RSPRY1: variants seen among roughly 807,000 people sequenced by gnomAD.
RSPRY1 encodes the protein RING finger and SPRY domain-containing protein 1.
Under a neutral mutation model 73.1 loss-of-function variants are expected in RSPRY1, and 23 were observed. That is an observed-to-expected ratio of 0.31 (90% confidence interval 0.23 to 0.45). RSPRY1 has a LOEUF of 0.45. RSPRY1 is among the 20% of genes least tolerant of loss of function. The pLI is 1.00. For synonymous variants in RSPRY1, 226 were observed against 251.4 expected, an observed-to-expected ratio of 0.90 and a Z score of 0.95; for missense variants, 448 against 698.7, an observed-to-expected ratio of 0.64 and a Z score of 4.05.
At chr16:57,232,102 T>C (rs1597929874) in intron 13 of RSPRY1, among the ~76,000 whole-genome samples, 1 of 152,164 alleles carries the variant, frequency 6.6e-6, no homozygotes, top group East Asian at 1.9e-4. Flanking sequence ...ATACCACATA[T>C]CTTATATCAG....
At chr16:57,227,529 G>C in intron 11 of RSPRY1, 76 bp downstream of exon 11, 1 of 998,766 alleles carries the variant, frequency 1.0e-6, no homozygotes, top group Admixed American at 1.9e-5. Flanking sequence ...ATTACATTAA[G>C]CCTTAAAATG....
intron 14 of RSPRY1, 51 bp downstream of exon 14, chr16:57,235,279 T>G (rs2075284147): frequency 7.7e-7 from 1 of 1,295,320 alleles, no homozygotes; most frequent in Non-Finnish European, 1.1e-6. Context: ...AAATTGCTAG[T>G]TCCATGGCTG....
intron 10 of RSPRY1, among the ~76,000 whole-genome samples, chr16:57,225,031 G>A (rs1056713596): frequency 1.4e-4 from 21 of 152,334 alleles, no homozygotes; most frequent in African/African-American, 4.6e-4. Flanking sequence ...GGTGTGGCAA[G>A]GCATTCTTTC....
intron 3 of RSPRY1, among the ~76,000 whole-genome samples, 177 bp from the exon 4 acceptor site, chr16:57,208,898 G>C (rs764548990): frequency 3.9e-5 from 6 of 152,090 alleles, no homozygotes; most frequent in Non-Finnish European, 8.8e-5. Flanking sequence ...TGTAACTTAA[G>C]ATGTTTTTAC....
At chr16:57,214,246 A>G (rs2074898266) in intron 6 of RSPRY1, among the ~76,000 whole-genome samples, 2 of 152,180 alleles carry the variant, frequency 1.3e-5, no homozygotes, top group African/African-American at 4.8e-5. Context: ...CCAAATGGTA[A>G]TAGGGACCTC....
intron 1 of RSPRY1, among the ~76,000 whole-genome samples, chr16:57,201,169 C>A (rs1269663923): frequency 6.6e-6 from 1 of 151,274 alleles, no homozygotes; most frequent in African/African-American, 2.4e-5. Context: ...GACGGTGTGG[C>A]TGCCAGGTGG....
chr16:57,222,574 C>T (rs1211435283), intron 10 of RSPRY1, among the ~76,000 whole-genome samples: 5 of 152,220 alleles, frequency 3.3e-5, no homozygotes, highest in African/African-American at 4.8e-5. Context: ...TGCCAATCAT[C>T]TGATTCCCAC....
rs567296359 is a variant in RSPRY1, at chr16:57,222,023, A to T, written c.1161+608A>T. 1.5e-4 allele frequency among the ~76,000 whole-genome samples: 23 copies of T among 152,292 alleles called. No individual in the cohort carries two copies. The South Asian group carries it at 4.8e-3, about 32-fold the overall frequency. ...TTATACCCTTCTAACACCCAGGCCAATTGGCTTTCTTCTGATGATCAAATT... is the reference window on the plus strand; with the variant it reads ...TTATACCCTTCTAACACCCAGGCCATTTGGCTTTCTTCTGATGATCAAATT... On this transcript the variant is annotated intron_variant, in intron 10 of 14. Transcript: ENST00000394420.
intron 4 of RSPRY1, among the ~76,000 whole-genome samples, chr16:57,211,286 A>C (rs2074839547): frequency 6.9e-6 from 1 of 145,940 alleles, no homozygotes; most frequent in African/African-American, 2.5e-5. Flanking sequence ...AAAAAAAAAG[A>C]AAGCCAGGCA....
chr16:57,236,968 C>A (rs2075308937), intron 14 of RSPRY1, among the ~76,000 whole-genome samples: 1 of 151,948 alleles, frequency 6.6e-6, no homozygotes, highest in South Asian at 2.1e-4. Context: ...AGTTTGAGAC[C>A]AGCCTGGCCA....
chr16:57,201,031 C>T (rs1469452582), intron 1 of RSPRY1, among the ~76,000 whole-genome samples: 1 of 148,498 alleles, frequency 6.7e-6, no homozygotes, highest in African/African-American at 2.5e-5. Flanking sequence ...ACCTCCCTCC[C>T]GGATGGGCGG....
intron 1 of RSPRY1, among the ~76,000 whole-genome samples, chr16:57,200,862 G>A (rs1327514519): frequency 8.3e-5 from 12 of 143,834 alleles, no homozygotes; most frequent in African/African-American, 1.6e-4. Context: ...CGGACGGGGC[G>A]GCTGGCCGGG....
intron 2 of RSPRY1, among the ~76,000 whole-genome samples, chr16:57,207,215 T>C (rs2074742732): frequency 6.6e-6 from 1 of 152,242 alleles, no homozygotes; most frequent in Non-Finnish European, 1.5e-5. Flanking sequence ...CAGTCAATTA[T>C]ATTGTTTAAA....
intron 8 of RSPRY1, chr16:57,220,466 G>A (rs2075016886): frequency 4.6e-6 from 1 of 219,084 alleles, no homozygotes; most frequent in Non-Finnish European, 9.2e-6. Context: ...TTGGCATATA[G>A]AAATGCTATT....
intron 4 of RSPRY1, 61 bp downstream of exon 4, chr16:57,209,248 C>A: frequency 9.3e-7 from 1 of 1,071,572 alleles, no homozygotes; most frequent in South Asian, 1.4e-5. Context: ...GATAAATGAC[C>A]ACAAAGAACA....
intron 1 of RSPRY1, among the ~76,000 whole-genome samples, chr16:57,194,793 A>G (rs559909660): frequency 6.6e-6 from 1 of 152,336 alleles, no homozygotes; most frequent in Non-Finnish European, 1.5e-5. Flanking sequence ...GCAAGCAAAT[A>G]TTTGAAGAGA....
intron 13 of RSPRY1, 93 bp from the exon 14 acceptor site, chr16:57,235,031 C>T: frequency 1.2e-6 from 1 of 812,988 alleles, no homozygotes; most frequent in African/African-American, 1.7e-5. Flanking sequence ...ATATATGTCA[C>T]AGGTGCAGAG....
chr16:57,205,155 A>G lies in RSPRY1; in HGVS notation c.350+147A>G, dbSNP rs115137997. On this transcript the variant is annotated intron_variant, in intron 2 of 14. Transcript: ENST00000394420. ...AGGAGAATATTTTAATGCTCCGCTGATGGCAGAGTAAATGATAAGATTTGA... is the reference window on the plus strand; with the variant it reads ...AGGAGAATATTTTAATGCTCCGCTGGTGGCAGAGTAAATGATAAGATTTGA... 4.0e-3 allele frequency: 2,434 copies of G among 608,828 alleles called. 45 individuals carry two copies. The African/African-American group carries it at 0.04, about 10-fold the overall frequency. 37.7% of individuals were successfully genotyped at this position (608,828 alleles called of 1,614,324 possible).
intron 6 of RSPRY1, among the ~76,000 whole-genome samples, 162 bp downstream of exon 6, chr16:57,214,108 C>T (rs1489497218): frequency 6.6e-6 from 1 of 152,136 alleles, no homozygotes; most frequent in Non-Finnish European, 1.5e-5. Flanking sequence ...TTATTCCCTC[C>T]TATGTTTAAA....
Sources: gnomAD v4.1 joint callset for allele counts (sites outside exome capture counted in the v4.1 genomes callset) on GRCh38, gnomAD v4.1.1 for gene constraint, MANE v1.5 for transcripts, NCBI Gene and HGNC (gene_info 2026-07-23, HGNC 2026-07-21) for gene names.